Variants in NUAK1 observed in about 807,000 individuals in gnomAD.
NUAK1 encodes NUAK family kinase 1.
A neutral mutation model predicts 56.9 loss-of-function variants in NUAK1; 26 were observed. That is an observed-to-expected ratio of 0.46 (90% CI 0.33 to 0.63). The LOEUF (loss-of-function observed/expected upper bound fraction) is 0.63. NUAK1 is among the 30% of genes least tolerant of loss of function. The probability of loss-of-function intolerance (pLI) is 0.02; values close to 1 mark genes in which losing one functional copy is unlikely to be tolerated. For synonymous variants in NUAK1, 337 were observed against 336.0 expected (o/e 1.00, Z -0.03); for missense variants, 727 against 876.1 (o/e 0.83, Z 2.15).
chr12:106,115,712 A>G (rs1011974648), intron 1 of NUAK1, among the ~76,000 whole-genome samples: 1 of 152,240 alleles, frequency 6.6e-6, no homozygotes, highest in African/African-American at 2.4e-5. Flanking sequence ...CACAGCCCCA[A>G]GAAACCGCAG....
intron 1 of NUAK1, among the ~76,000 whole-genome samples, chr12:106,124,032 C>A (rs919561054): frequency 3.9e-5 from 6 of 152,230 alleles, no homozygotes; most frequent in South Asian, 4.1e-4. Context: ...CAGAGAAATG[C>A]AAAATATTCG....
At chr12:106,130,465 T>C (rs538786763) in intron 1 of NUAK1, among the ~76,000 whole-genome samples, 2 of 152,254 alleles carry the variant, frequency 1.3e-5, no homozygotes, top group Admixed American at 6.5e-5. Flanking sequence ...ATCTGGTTTA[T>C]TGCTAGATTG....
chr12:106,080,956 T>A (rs1326345166), intron 4 of NUAK1, among the ~76,000 whole-genome samples: 2 of 152,208 alleles, frequency 1.3e-5, no homozygotes, highest in African/African-American at 4.8e-5. Flanking sequence ...CCTTTCTAAA[T>A]ATGTTTCAGC....
chr12:106,100,665 G>A (rs1270444884), intron 2 of NUAK1, among the ~76,000 whole-genome samples: 1 of 152,134 alleles, frequency 6.6e-6, no homozygotes, highest in Non-Finnish European at 1.5e-5. Context: ...TAGCATTTTT[G>A]TTAATGAATA....
chr12:106,076,109 T>G (rs937674136), intron 4 of NUAK1, among the ~76,000 whole-genome samples: 4 of 152,220 alleles, frequency 2.6e-5, no homozygotes, highest in African/African-American at 7.2e-5. Context: ...ATGAAAAGGA[T>G]GACAAACTGA....
chr12:106,138,594 C>T lies in NUAK1; in HGVS notation c.60G>A (p.Pro20=), dbSNP rs763765886. 33 of 1,580,774 alleles carry T rather than the reference C, an allele frequency of 2.1e-5. No homozygotes were observed. The African/African-American group carries it at 3.9e-4, about 19-fold the overall frequency. Residue 20 remains proline (P), a synonymous_variant, in exon 1 of 7, where the codon CCG becomes CCA. Transcript: ENST00000261402. The surrounding 1 kb of genome is among the most constrained non-coding windows in gnomAD (Gnocchi z 5.0). ...CCGCCACCGCCTCTCGGGGAGAGCC[C>T]GGCGCCCCCAGCCCCAAGTCGGGGC... ...GDRPDLGLGA[P]GSPREAVAGA...
intron 1 of NUAK1, among the ~76,000 whole-genome samples, chr12:106,110,726 A>G (rs1308268817): frequency 2.0e-5 from 3 of 152,234 alleles, no homozygotes; most frequent in African/African-American, 7.2e-5. Flanking sequence ...AGACAGTACC[A>G]TGTGCCTTAT....
intron 4 of NUAK1, among the ~76,000 whole-genome samples, chr12:106,081,601 C>A (rs569347108): frequency 3.5e-4 from 53 of 152,316 alleles, no homozygotes; most frequent in Middle Eastern, 6.8e-3. Context: ...AACATCATTG[C>A]CCTTTTGCTT....
intron 1 of NUAK1, among the ~76,000 whole-genome samples, chr12:106,121,929 A>G (rs1016482503): frequency 2.0e-5 from 3 of 152,196 alleles, no homozygotes; most frequent in African/African-American, 7.2e-5. Context: ...CACAAGTAGC[A>G]AAAGTGAGGA....
At chr12:106,119,423 A>G (rs557642608) in intron 1 of NUAK1, among the ~76,000 whole-genome samples, 1 of 152,294 alleles carries the variant, frequency 6.6e-6, no homozygotes, top group African/African-American at 2.4e-5. Flanking sequence ...GAATGGAAAT[A>G]AGCCCTTAGA....
intron 1 of NUAK1, among the ~76,000 whole-genome samples, chr12:106,121,438 G>A (rs1333868790): frequency 1.3e-5 from 2 of 152,128 alleles, no homozygotes; most frequent in Admixed American, 6.5e-5. Context: ...GGGGTCTCCT[G>A]TCTTTCTAAG....
At chr12:106,074,375 G>A (rs1356608243) in intron 4 of NUAK1, among the ~76,000 whole-genome samples, 1 of 152,082 alleles carries the variant, frequency 6.6e-6, no homozygotes, top group Non-Finnish European at 1.5e-5. Flanking sequence ...TGCCTTTCAT[G>A]CCTAAAAAAG....
intron 2 of NUAK1, 60 bp from the exon 3 acceptor site, chr12:106,086,945 TAC>T: frequency 6.3e-7 from 1 of 1,578,960 alleles, no homozygotes; most frequent in Non-Finnish European, 8.7e-7. Flanking sequence ...TCACTTATGC[TAC>T]AGAGAATGCG....
chr12:106,100,856 G>A (rs2032740409), intron 2 of NUAK1, among the ~76,000 whole-genome samples: 1 of 152,160 alleles, frequency 6.6e-6, no homozygotes, highest in Non-Finnish European at 1.5e-5. Context: ...ATGTGTGTGT[G>A]CATTTGACTC....
intron 2 of NUAK1, among the ~76,000 whole-genome samples, chr12:106,090,614 C>A (rs1050566591): frequency 1.3e-5 from 2 of 152,248 alleles, no homozygotes; most frequent in Admixed American, 6.5e-5. Context: ...ACTGCTACCC[C>A]CAAGCTCTCA....
chr12:106,074,612 C>T (rs2032441953), intron 4 of NUAK1, among the ~76,000 whole-genome samples: 1 of 152,146 alleles, frequency 6.6e-6, no homozygotes, highest in Admixed American at 6.5e-5. Context: ...GCCAGCCTTG[C>T]AAGCTGAGCC....
chr12:106,128,592 C>T (rs763083243), intron 1 of NUAK1, among the ~76,000 whole-genome samples: 7 of 152,190 alleles, frequency 4.6e-5, no homozygotes, highest in Admixed American at 3.9e-4. Context: ...GAACCTGCTG[C>T]AATCAAGCAC....
chr12:106,114,562 T>A (rs1164899752), intron 1 of NUAK1, among the ~76,000 whole-genome samples: 2 of 152,016 alleles, frequency 1.3e-5, no homozygotes, highest in Non-Finnish European at 2.9e-5. Context: ...GGACTTAGAA[T>A]GCTCTATGCC....
chr12:106,087,023 A>G (rs1177254068), intron 2 of NUAK1, 138 bp from the exon 3 acceptor site: 3 of 1,088,778 alleles, frequency 2.8e-6, no homozygotes, highest in Non-Finnish European at 4.0e-6. Flanking sequence ...AAATCAGCCA[A>G]TTCAGCATCA....
Sources: allele counts gnomAD v4.1 joint callset (sites outside exome capture counted in the v4.1 genomes callset), GRCh38; gene constraint gnomAD v4.1.1; non-coding constraint Gnocchi (gnomAD v3.1); transcripts MANE v1.5; gene names NCBI Gene and HGNC (gene_info 2026-07-23, HGNC 2026-07-21).